The following ROBO2 variants were observed in gnomAD, a reference collection of about 807,000 sequenced individuals.
ROBO2 encodes roundabout homolog 2.
In ROBO2, 53 loss-of-function variants were observed where a neutral mutation model predicts 160.8. That is an observed-to-expected ratio of 0.33 (90% confidence interval 0.26 to 0.41). ROBO2 has a LOEUF of 0.41. ROBO2 is among the 10% of genes least tolerant of loss of function. The pLI is 1.00. For synonymous variants in ROBO2, 664 were observed against 611.7 expected, an observed-to-expected ratio of 1.09 and a Z score of -1.26; for missense variants, 1,577 against 1,722.4, an observed-to-expected ratio of 0.92 and a Z score of 1.49.
At chr3:76,891,684 A>C (rs2074355197) in intron 2 of ROBO2, among the ~76,000 whole-genome samples, 1 of 152,194 alleles carries the variant, frequency 6.6e-6, no homozygotes, top group South Asian at 2.1e-4. Flanking sequence ...ACTCACATGA[A>C]TTGAAGGAGG....
At chr3:77,311,802 C>G (rs1049264018) in intron 2 of ROBO2, among the ~76,000 whole-genome samples, 1 of 152,140 alleles carries the variant, frequency 6.6e-6, no homozygotes, top group Non-Finnish European at 1.5e-5. Context: ...ACAAATGACT[C>G]AGGGCCGGGC....
chr3:76,246,985 T>C (rs1293101085), intron 2 of ROBO2, among the ~76,000 whole-genome samples: 2 of 152,130 alleles, frequency 1.3e-5, no homozygotes, highest in Non-Finnish European at 2.9e-5. Context: ...ACTGTAATGC[T>C]CAAGGGTGAC....
chr3:77,317,500 C>T, intron 2 of ROBO2: 1 of 1,473,064 alleles, frequency 6.8e-7, no homozygotes, highest in Non-Finnish European at 9.3e-7. Flanking sequence ...TCCGATCCAT[C>T]CTCAGATTTC....
chr3:76,194,123 T>C (rs1291401760), intron 2 of ROBO2, among the ~76,000 whole-genome samples: 1 of 151,856 alleles, frequency 6.6e-6, no homozygotes, highest in African/African-American at 2.4e-5. Context: ...AATCTAGTAA[T>C]GCAAGTTTAA....
chr3:76,783,908 T>C (rs2062815888), intron 2 of ROBO2, among the ~76,000 whole-genome samples: 1 of 151,164 alleles, frequency 6.6e-6, no homozygotes. Context: ...TTTACTCTTT[T>C]TTATTCTTTT....
intron 2 of ROBO2, among the ~76,000 whole-genome samples, chr3:77,151,409 A>G (rs1431947878): frequency 6.6e-6 from 1 of 152,158 alleles, no homozygotes; most frequent in Non-Finnish European, 1.5e-5. Flanking sequence ...AGTTTATTTA[A>G]GGCGAGGTAA....
At chr3:76,801,610 G>A (rs1238466334) in intron 2 of ROBO2, among the ~76,000 whole-genome samples, 2 of 151,578 alleles carry the variant, frequency 1.3e-5, no homozygotes, top group Non-Finnish European at 2.9e-5. Flanking sequence ...AGAATATCGC[G>A]GCAGATCTTT....
chr3:76,438,651 A>G (rs778799182), intron 2 of ROBO2, among the ~76,000 whole-genome samples: 20 of 152,098 alleles, frequency 1.3e-4, no homozygotes, highest in Non-Finnish European at 2.1e-4. Flanking sequence ...TAATTTATAC[A>G]AGTATAAGTG....
At chr3:77,429,324 T>C (rs975904710) in intron 2 of ROBO2, among the ~76,000 whole-genome samples, 6 of 152,158 alleles carry the variant, frequency 3.9e-5, no homozygotes, top group African/African-American at 1.4e-4. Flanking sequence ...TACCAGACTA[T>C]GACACATATT....
intron 2 of ROBO2, among the ~76,000 whole-genome samples, chr3:76,673,407 A>G (rs1457405626): frequency 6.6e-6 from 1 of 152,088 alleles, no homozygotes; most frequent in East Asian, 1.9e-4. Context: ...CGCATTTTTA[A>G]CTGGTTAGCA....
chr3:77,317,051 T>C, intron 2 of ROBO2: 1 of 1,496,972 alleles, frequency 6.7e-7, no homozygotes, highest in East Asian at 2.3e-5. Flanking sequence ...GTCCCGTCAT[T>C]CACAGTAGTG....
At chr3:77,565,481 T>C (rs1350401635) in intron 12 of ROBO2, among the ~76,000 whole-genome samples, 1 of 152,096 alleles carries the variant, frequency 6.6e-6, no homozygotes. Flanking sequence ...AATAGAGGTA[T>C]AAAAATTATG....
chr3:77,494,128 G>T (rs1171777109), intron 5 of ROBO2, among the ~76,000 whole-genome samples: 18 of 152,168 alleles, frequency 1.2e-4, no homozygotes, highest in African/African-American at 2.9e-4. Flanking sequence ...AGTGTTTTTT[G>T]TTGTTGTTGT....
At chr3:77,590,460 G>A (rs185099770) in intron 17 of ROBO2, among the ~76,000 whole-genome samples, 14 of 152,166 alleles carry the variant, frequency 9.2e-5, no homozygotes, top group Admixed American at 8.5e-4. Context: ...TGCCTTCATC[G>A]CTGAAGGTAT....
chr3:77,516,037 T>A (rs1324850713), intron 5 of ROBO2, among the ~76,000 whole-genome samples: 1 of 151,618 alleles, frequency 6.6e-6, no homozygotes, highest in Non-Finnish European at 1.5e-5. Flanking sequence ...GCTCCATATG[T>A]TCTCTTTTAA....
chr3:76,396,768 G>C (rs1056376731), intron 2 of ROBO2, among the ~76,000 whole-genome samples: 9 of 152,142 alleles, frequency 5.9e-5, no homozygotes, highest in Non-Finnish European at 2.9e-5. Context: ...ACTTACGAGG[G>C]ACGTGAAGGA....
intron 2 of ROBO2, among the ~76,000 whole-genome samples, chr3:76,836,816 C>T (rs1010505607): frequency 6.6e-6 from 1 of 151,726 alleles, no homozygotes; most frequent in Non-Finnish European, 1.5e-5. Flanking sequence ...TATGTTCTAT[C>T]GCAGTAAACA....
chr3:77,003,520 C>T (rs2061430727), intron 2 of ROBO2, among the ~76,000 whole-genome samples: 1 of 152,150 alleles, frequency 6.6e-6, no homozygotes, highest in South Asian at 2.1e-4. Flanking sequence ...TCAGTTTAGA[C>T]TGACTGCAGG....
chr3:77,034,065 C>G (rs963430538), intron 2 of ROBO2, among the ~76,000 whole-genome samples: 1 of 149,380 alleles, frequency 6.7e-6, no homozygotes, highest in Non-Finnish European at 1.5e-5. Context: ...GCCAAAATTG[C>G]TCAGAGAAAA....
Sources: allele counts gnomAD v4.1 joint callset (sites outside exome capture counted in the v4.1 genomes callset), GRCh38; gene constraint gnomAD v4.1.1; transcripts MANE v1.5; gene names NCBI Gene and HGNC (gene_info 2026-07-23, HGNC 2026-07-21).